MTMR8: variants seen among roughly 807,000 people sequenced by gnomAD.
The protein encoded by MTMR8 is phosphatidylinositol-3,5-bisphosphate 3-phosphatase MTMR8.
MTMR8 carries 65 observed loss-of-function variants against 39.3 expected under a neutral mutation model. The ratio of observed to expected loss-of-function variants is 1.65; its 90% CI spans 1.35 to 2.03. The LOEUF (loss-of-function observed/expected upper bound fraction) is 2.03. MTMR8 is among the 30% of genes most tolerant of loss of function. MTMR8 has a pLI of 0.00. For missense variants in MTMR8, 777 were observed against 538.9 expected, an observed-to-expected ratio of 1.44 and a Z score of -4.37; for synonymous variants, 245 against 185.2, an observed-to-expected ratio of 1.32 and a Z score of -2.62.
chrX:64,355,874 A>G (rs1469405827), intron 3 of MTMR8, among the ~76,000 whole-genome samples: 4 of 111,475 alleles, frequency 3.6e-5, no homozygotes, highest in African/African-American at 1.3e-4. Flanking sequence ...AAACATTCAC[A>G]AGTTGATACT....
intron 8 of MTMR8, among the ~76,000 whole-genome samples, chrX:64,341,384 C>G (rs760027612): frequency 9.5e-6 from 1 of 104,972 alleles, no homozygotes; most frequent in Admixed American, 1.1e-4. Flanking sequence ...GAGGCTGAGG[C>G]AGAAGAATCC....
intron 1 of MTMR8, among the ~76,000 whole-genome samples, chrX:64,384,320 G>T (rs921269006): frequency 1.8e-5 from 2 of 111,063 alleles, no homozygotes; most frequent in African/African-American, 6.6e-5. Context: ...TCAGGTGCAG[G>T]GTGCAAACTA....
chrX:64,382,099 T>C (rs1340754375), intron 1 of MTMR8, among the ~76,000 whole-genome samples: 1 of 111,789 alleles, frequency 8.9e-6, no homozygotes, highest in Non-Finnish European at 1.9e-5. Flanking sequence ...TCTTTTTTGG[T>C]TCCATATGAA....
intron 1 of MTMR8, among the ~76,000 whole-genome samples, chrX:64,382,806 C>A (rs778757059): frequency 2.7e-5 from 3 of 111,409 alleles, no homozygotes; most frequent in Non-Finnish European, 5.7e-5. Context: ...CAAATTTAGG[C>A]CAATGGCTCT....
chrX:64,377,836 C>T (rs1257235808), intron 1 of MTMR8, among the ~76,000 whole-genome samples: 1 of 112,212 alleles, frequency 8.9e-6, no homozygotes, highest in Admixed American at 9.4e-5. Flanking sequence ...ACCCAAATAT[C>T]ATGTCGAACT....
At chrX:64,284,304 C>A (rs1481498391) in intron 12 of MTMR8, among the ~76,000 whole-genome samples, 1 of 111,859 alleles carries the variant, frequency 8.9e-6, no homozygotes, top group Admixed American at 9.5e-5. Flanking sequence ...AATAAAGCCT[C>A]TAAAAAATAT....
At chrX:64,298,373 GCTCT>G (rs1457656596) in intron 12 of MTMR8, among the ~76,000 whole-genome samples, 5 of 90,565 alleles carry the variant, frequency 5.5e-5, no homozygotes, top group African/African-American at 1.4e-4. Context: ...TCATGATTTG[GCTCT>G]CTGTCTGTTG....
At chrX:64,373,408 T>G (rs1002612711) in intron 1 of MTMR8, among the ~76,000 whole-genome samples, 1 of 111,176 alleles carries the variant, frequency 9.0e-6, no homozygotes, top group East Asian at 2.8e-4. Flanking sequence ...AGCACATCCC[T>G]CTCTCTCCCT....
At chrX:64,304,951 A>T (rs5964760) in intron 12 of MTMR8, 11,025 of 76,424 alleles carry the variant, frequency 0.14, 1,886 homozygotes, top group African/African-American at 0.44. Context: ...TATATGTATA[A>T]ACATATATAT....
intron 8 of MTMR8, among the ~76,000 whole-genome samples, chrX:64,341,969 A>C (rs1291122935): frequency 2.7e-5 from 3 of 112,330 alleles, no homozygotes; most frequent in African/African-American, 9.7e-5. Context: ...GAGAAAAAGA[A>C]GTAACATAGT....
chrX:64,314,587 G>T (rs1005152870), intron 12 of MTMR8, among the ~76,000 whole-genome samples: 1 of 113,245 alleles, frequency 8.8e-6, no homozygotes, highest in Non-Finnish European at 1.9e-5. Context: ...GGCTCCAACT[G>T]CAATGGCGGT....
At chrX:64,358,888 T>C (rs1356942471) in intron 2 of MTMR8, among the ~76,000 whole-genome samples, 5 of 101,614 alleles carry the variant, frequency 4.9e-5, no homozygotes, top group African/African-American at 1.3e-4. Context: ...CATATATATA[T>C]ACCCAGGTAA....
chrX:64,318,107 C>T (rs910133337), intron 12 of MTMR8, among the ~76,000 whole-genome samples: 1 of 112,176 alleles, frequency 8.9e-6, no homozygotes, highest in African/African-American at 3.2e-5. Context: ...GAAGAGTTAC[C>T]TTATTACCAC....
At chrX:64,345,861 C>T (rs746919252) in intron 6 of MTMR8, among the ~76,000 whole-genome samples, 1 of 112,324 alleles carries the variant, frequency 8.9e-6, no homozygotes, top group East Asian at 2.8e-4. Flanking sequence ...TCATGTAATC[C>T]TCTTGCCTTG....
chrX:64,297,186 C>A (rs1457341957), intron 12 of MTMR8, among the ~76,000 whole-genome samples: 1 of 81,505 alleles, frequency 1.2e-5, no homozygotes, highest in Non-Finnish European at 2.4e-5. Context: ...AACTAGTTTA[C>A]AGTCCCACCA....
At chrX:64,286,809 A>T (rs200881595) in intron 12 of MTMR8, among the ~76,000 whole-genome samples, 1 of 111,680 alleles carries the variant, frequency 9.0e-6, no homozygotes, top group Non-Finnish European at 1.9e-5. Flanking sequence ...GATGGGATAT[A>T]TCTCAAAATA....
chrX:64,280,141 C>A (rs1377402895), intron 12 of MTMR8, among the ~76,000 whole-genome samples: 1 of 112,012 alleles, frequency 8.9e-6, no homozygotes, highest in African/African-American at 3.2e-5. Flanking sequence ...TGGTACCATT[C>A]CTTCTGAAAC....
chrX:64,302,164 C>G (rs773037173), intron 12 of MTMR8, among the ~76,000 whole-genome samples: 1 of 112,731 alleles, frequency 8.9e-6, no homozygotes, highest in Non-Finnish European at 1.9e-5. Context: ...CCTCCCCCAG[C>G]CTCGCTGCTG....
intron 1 of MTMR8, among the ~76,000 whole-genome samples, chrX:64,376,159 T>C (rs1009133517): frequency 2.7e-5 from 3 of 112,126 alleles, no homozygotes; most frequent in Non-Finnish European, 5.6e-5. Flanking sequence ...GTAGTTCTTA[T>C]AGCAATGCAA....
Sources: gnomAD v4.1 joint callset for allele counts (sites outside exome capture counted in the v4.1 genomes callset) on GRCh38, gnomAD v4.1.1 for gene constraint, MANE v1.5 for transcripts, NCBI Gene and HGNC (gene_info 2026-07-23, HGNC 2026-07-21) for gene names.